FMNL2: variants seen among roughly 807,000 people sequenced by gnomAD.
The protein encoded by FMNL2 is formin-like protein 2.
A neutral mutation model predicts 130.2 loss-of-function variants in FMNL2; 51 were observed. The observed-to-expected ratio is 0.39, with a 90% CI of 0.31 to 0.49. FMNL2 has a LOEUF of 0.49. Among genes scored for constraint, FMNL2 ranks in the 20% least tolerant of loss-of-function variants. The probability of loss-of-function intolerance (pLI) is 0.85; values close to 1 mark genes in which losing one functional copy is unlikely to be tolerated. For missense variants in FMNL2, 977 were observed against 1,316.2 expected, an observed-to-expected ratio of 0.74 and a Z score of 3.99; for synonymous variants, 465 against 467.1, an observed-to-expected ratio of 1.00 and a Z score of 0.06.
intron 22 of FMNL2, among the ~76,000 whole-genome samples, chr2:152,637,067 C>T (rs992566847): frequency 1.3e-5 from 2 of 152,152 alleles, no homozygotes; most frequent in African/African-American, 4.8e-5. Flanking sequence ...AAAGCAGATT[C>T]AGTGGAAGGG....
chr2:152,560,987 C>T lies in FMNL2; in HGVS notation c.548C>T (p.Ser183Leu), dbSNP rs1474435422. Residue 183 changes from serine (S) to leucine (L), a missense_variant, in exon 6 of 26, where the codon TCA becomes TTA. Physicochemically the swap from Ser to Leu is moderately radical, Grantham distance 145. Transcript: ENST00000288670. Reference sequence around the variant, plus strand: ...CTGCACAGAGGGAGCAACCTGCCCTCACCTGTGGGCAACAGTGTCTCCCGC... The same window carrying T: ...CTGCACAGAGGGAGCAACCTGCCCTTACCTGTGGGCAACAGTGTCTCCCGC... ...EDLHRGSNLP[S>L]PVGNSVSRSG... 2 of 1,605,264 alleles carry T rather than the reference C, an allele frequency of 1.2e-6. No homozygotes were observed. Among genetic ancestry groups the T allele is most frequent in the East Asian group, 2.2e-5 (1 of 44,462 alleles).
chr2:152,593,232 G>C (rs1407131624), intron 9 of FMNL2, among the ~76,000 whole-genome samples: 1 of 151,782 alleles, frequency 6.6e-6, no homozygotes, highest in Admixed American at 6.6e-5. Context: ...CTGGAAACCT[G>C]TGATTAAAAC....
chr2:152,402,480 A>C (rs570569623), intron 1 of FMNL2, among the ~76,000 whole-genome samples: 9 of 152,266 alleles, frequency 5.9e-5, no homozygotes, highest in African/African-American at 2.2e-4. Context: ...CCCAGCTCTT[A>C]ACAGGAGCAA....
intron 6 of FMNL2, among the ~76,000 whole-genome samples, chr2:152,562,928 T>C (rs570995024): frequency 3.2e-4 from 49 of 152,354 alleles, no homozygotes; most frequent in African/African-American, 7.9e-4. Context: ...GAAAGTATCA[T>C]GTATTGCCAA....
chr2:152,385,348 G>T (rs1341691935), intron 1 of FMNL2, among the ~76,000 whole-genome samples: 4 of 152,076 alleles, frequency 2.6e-5, no homozygotes, highest in Non-Finnish European at 4.4e-5. Context: ...AGGGAGGCTG[G>T]GGATGGGAAA....
intron 1 of FMNL2, among the ~76,000 whole-genome samples, chr2:152,453,475 A>G (rs1015007472): frequency 6.6e-6 from 1 of 152,134 alleles, no homozygotes. Flanking sequence ...GGAGGGGACG[A>G]TCCAGTTTGT....
chr2:152,546,622 G>C (rs1359929882), intron 3 of FMNL2, among the ~76,000 whole-genome samples: 1 of 152,100 alleles, frequency 6.6e-6, no homozygotes, highest in African/African-American at 2.4e-5. Flanking sequence ...TGCAGGGAAT[G>C]AGTCAGAAGT....
At chr2:152,638,805 G>A (rs748923141) in intron 23 of FMNL2, among the ~76,000 whole-genome samples, 2 of 152,182 alleles carry the variant, frequency 1.3e-5, no homozygotes, top group Non-Finnish European at 2.9e-5. Flanking sequence ...GATAGTCTGC[G>A]ATGGCCCTTG....
chr2:152,546,422 C>T (rs949180291), intron 3 of FMNL2, among the ~76,000 whole-genome samples: 3 of 152,022 alleles, frequency 2.0e-5, no homozygotes, highest in Non-Finnish European at 2.9e-5. Flanking sequence ...CCAGATCTCA[C>T]AGGAACTCTT....
chr2:152,416,335 G>A (rs1686612805), intron 1 of FMNL2, among the ~76,000 whole-genome samples: 1 of 152,112 alleles, frequency 6.6e-6, no homozygotes, highest in African/African-American at 2.4e-5. Flanking sequence ...GAATTGACTT[G>A]GGAAGTGGTG....
Position 152,634,516 on chromosome 2 carries a change from T to A in FMNL2, c.2681-1911T>A, listed in dbSNP as rs1259304442. Among the ~76,000 whole-genome samples, 4 of 152,228 alleles carry A rather than the reference T, an allele frequency of 2.6e-5. No individual in the cohort carries two copies. The East Asian group carries it at 7.7e-4, about 29-fold the overall frequency. The stretch of plus-strand genomic sequence containing the variant: ...CACATTTTTGCCAATGAGAAATAAG[T>A]TTGTTTATTCCTGTAGTGAAAAAAA... On this transcript the variant is annotated intron_variant, in intron 21 of 25. Coordinates refer to ENST00000288670, the MANE Select transcript of FMNL2 (RefSeq NM_052905.4).
intron 1 of FMNL2, among the ~76,000 whole-genome samples, chr2:152,409,844 T>G (rs1268475976): frequency 3.3e-5 from 5 of 152,150 alleles, no homozygotes; most frequent in Non-Finnish European, 7.4e-5. Flanking sequence ...AAAGCTGGGA[T>G]TTGTAACCAT....
intron 7 of FMNL2, 135 bp downstream of exon 7, chr2:152,575,379 G>A: frequency 2.1e-6 from 1 of 485,322 alleles, no homozygotes; most frequent in Non-Finnish European, 3.5e-6. Context: ...CAATTTATCT[G>A]TGTTACCAAA....
rs570453109 is a variant in FMNL2, at chr2:152,359,077, G to A, written c.117+23357G>A. On this transcript the variant is annotated intron_variant, in intron 1 of 25. Coordinates refer to ENST00000288670, the MANE Select transcript of FMNL2 (RefSeq NM_052905.4). ...TAGATGTGAGTACTAACAGTGAGCT[G>A]CCATCTAGGAGCTTACAGTGTATTT... Among the ~76,000 whole-genome samples, 18 of 152,274 alleles carry A rather than the reference G, an allele frequency of 1.2e-4. No homozygotes were observed. The East Asian group carries it at 3.5e-3, about 29-fold the overall frequency.
At chr2:152,350,093 G>A (rs1214412813) in intron 1 of FMNL2, among the ~76,000 whole-genome samples, 1 of 152,164 alleles carries the variant, frequency 6.6e-6, no homozygotes, top group East Asian at 1.9e-4. Context: ...AGTGCCATGA[G>A]GAGAATAAAA....
intron 2 of FMNL2, among the ~76,000 whole-genome samples, chr2:152,527,977 C>A (rs1450065570): frequency 6.6e-6 from 1 of 152,050 alleles, no homozygotes; most frequent in Non-Finnish European, 1.5e-5. Flanking sequence ...AGTGAATTTG[C>A]TTCTCAGTGT....
At chr2:152,588,933 T>C (rs1385174521) in intron 9 of FMNL2, among the ~76,000 whole-genome samples, 1 of 152,116 alleles carries the variant, frequency 6.6e-6, no homozygotes. Flanking sequence ...GCAGTTGCTT[T>C]GATAGAGCAG....
chr2:152,514,847 C>G (rs181970853), intron 1 of FMNL2, among the ~76,000 whole-genome samples: 1 of 152,212 alleles, frequency 6.6e-6, no homozygotes, highest in East Asian at 1.9e-4. Flanking sequence ...AGCGAAATAA[C>G]AGAAAGCAAA....
intron 1 of FMNL2, among the ~76,000 whole-genome samples, chr2:152,475,489 TTTTTG>T (rs70974864): frequency 6.6e-6 from 1 of 151,812 alleles, no homozygotes; most frequent in African/African-American, 2.4e-5. Context: ...TTCATTTTGT[TTTTTG>T]TTTTGTTTTG....
Sources: gnomAD v4.1 joint callset for allele counts (sites outside exome capture counted in the v4.1 genomes callset) on GRCh38, gnomAD v4.1.1 for gene constraint, MANE v1.5 for transcripts, NCBI Gene and HGNC (gene_info 2026-07-23, HGNC 2026-07-21) for gene names.